PLEKHA5: variants seen among roughly 807,000 people sequenced by gnomAD.
PLEKHA5 encodes the protein pleckstrin homology domain containing A5, also known as pleckstrin homology domain-containing family A member 5.
Under a neutral mutation model 181.9 loss-of-function variants are expected in PLEKHA5, and 55 were observed. The ratio of observed to expected loss-of-function variants is 0.30; its 90% confidence interval spans 0.24 to 0.38. The LOEUF (loss-of-function observed/expected upper bound fraction) is 0.38. Among genes scored for constraint, PLEKHA5 ranks in the 10% least tolerant of loss-of-function variants. PLEKHA5 has a pLI of 1.00. For missense variants in PLEKHA5, 1,432 were observed against 1,549.5 expected (o/e 0.92, Z 1.27); for synonymous variants, 535 against 529.4 (o/e 1.01, Z -0.15).
At chr12:19,190,895 T>C (rs1251813326) in intron 3 of PLEKHA5, among the ~76,000 whole-genome samples, 1 of 152,184 alleles carries the variant, frequency 6.6e-6, no homozygotes, top group East Asian at 1.9e-4. Context: ...AAATGAGCAG[T>C]GAAGCCTAGC....
intron 3 of PLEKHA5, among the ~76,000 whole-genome samples, chr12:19,137,523 T>C (rs1035926071): frequency 2.0e-5 from 3 of 152,228 alleles, no homozygotes; most frequent in African/African-American, 7.2e-5. Context: ...CTACGAACTA[T>C]GATCTCAGCT....
At chr12:19,172,703 A>T (rs2046195139) in intron 3 of PLEKHA5, among the ~76,000 whole-genome samples, 2 of 152,188 alleles carry the variant, frequency 1.3e-5, no homozygotes, top group Admixed American at 1.3e-4. Flanking sequence ...GGATCTTTGC[A>T]GTAACCCTTA....
chr12:19,178,331 C>T (rs934197066), intron 3 of PLEKHA5, among the ~76,000 whole-genome samples: 1 of 152,122 alleles, frequency 6.6e-6, no homozygotes, highest in East Asian at 1.9e-4. Flanking sequence ...CAGGAGACAT[C>T]GCTGAAACAT....
At chr12:19,314,295 C>T (rs1239121844) in intron 15 of PLEKHA5, among the ~76,000 whole-genome samples, 1 of 152,090 alleles carries the variant, frequency 6.6e-6, no homozygotes, top group Non-Finnish European at 1.5e-5. Context: ...AAAATAGAGT[C>T]TCTATAAATG....
chr12:19,135,297 A>C (rs1226148915), intron 3 of PLEKHA5, among the ~76,000 whole-genome samples: 1 of 152,086 alleles, frequency 6.6e-6, no homozygotes, highest in Non-Finnish European at 1.5e-5. Context: ...AGAGGATTGT[A>C]GTGGGGAAGT....
At chr12:19,176,439 C>G (rs1366651720) in intron 3 of PLEKHA5, 1 of 151,870 alleles carries the variant, frequency 6.6e-6, no homozygotes, top group African/African-American at 2.4e-5. Context: ...GGTGGTCTCC[C>G]GCTCCCAGGA....
At chr12:19,144,257 A>G (rs906530066) in intron 3 of PLEKHA5, among the ~76,000 whole-genome samples, 4 of 152,186 alleles carry the variant, frequency 2.6e-5, no homozygotes, top group African/African-American at 9.7e-5. Flanking sequence ...TCAGTGGCTT[A>G]AAACGATGAT....
chr12:19,244,758 T>C (rs2063343872), intron 3 of PLEKHA5, among the ~76,000 whole-genome samples: 1 of 152,238 alleles, frequency 6.6e-6, no homozygotes, highest in African/African-American at 2.4e-5. Flanking sequence ...GTAGATACAT[T>C]TTCAACGATA....
At chr12:19,231,559 T>C (rs1333166455) in intron 3 of PLEKHA5, among the ~76,000 whole-genome samples, 2 of 146,562 alleles carry the variant, frequency 1.4e-5, no homozygotes, top group African/African-American at 5.0e-5. Context: ...TATATTTATA[T>C]ATGTACACAT....
intron 3 of PLEKHA5, among the ~76,000 whole-genome samples, chr12:19,170,853 T>C (rs570158815): frequency 1.3e-5 from 2 of 152,228 alleles, no homozygotes; most frequent in Non-Finnish European, 2.9e-5. Flanking sequence ...GGCAGGGTAG[T>C]TGAATTACTT....
chr12:19,333,210 A>G (rs2093023837), intron 20 of PLEKHA5, among the ~76,000 whole-genome samples: 1 of 152,004 alleles, frequency 6.6e-6, no homozygotes, highest in Non-Finnish European at 1.5e-5. Context: ...GCTTGAACCC[A>G]GGAGGCAGAG....
At chr12:19,325,181 C>G (rs2091804028) in intron 20 of PLEKHA5, among the ~76,000 whole-genome samples, 2 of 151,782 alleles carry the variant, frequency 1.3e-5, no homozygotes, top group Non-Finnish European at 2.9e-5. Flanking sequence ...TGCTTGGGCC[C>G]AGGAGTTTGA....
chr12:19,173,611 A>G (rs2046508973), intron 3 of PLEKHA5, among the ~76,000 whole-genome samples: 1 of 152,294 alleles, frequency 6.6e-6, no homozygotes, highest in South Asian at 2.1e-4. Context: ...TAAGACCTCA[A>G]AGATTCTCAA....
intron 11 of PLEKHA5, among the ~76,000 whole-genome samples, chr12:19,279,677 A>G: frequency 6.6e-6 from 1 of 151,370 alleles, no homozygotes; most frequent in Non-Finnish European, 1.5e-5. Context: ...AAAAAAATAC[A>G]TACATATATA....
Position 19,353,436 on chromosome 12 carries a change from C to T in PLEKHA5, c.3020-448C>T, listed in dbSNP as rs149920188. Among the ~76,000 whole-genome samples the T allele has an allele frequency of 6.4e-3, 973 of 152,072 alleles. 8 individuals carry two copies. The highest frequency in any genetic ancestry group is 0.022 in the African/African-American group (919 of 41,510). Reference sequence around the variant, plus strand: ...CCTCCCAAAGTGCTGGGATTACAGGCGTGAGTCACCACGCCCAGCCTGACT... The same window carrying T: ...CCTCCCAAAGTGCTGGGATTACAGGTGTGAGTCACCACGCCCAGCCTGACT... On this transcript the variant is annotated intron_variant, in intron 25 of 31. Transcript: ENST00000429027.
intron 3 of PLEKHA5, among the ~76,000 whole-genome samples, chr12:19,220,100 G>A (rs932574145): frequency 2.0e-5 from 3 of 151,382 alleles, no homozygotes; most frequent in African/African-American, 7.3e-5. Context: ...TAAAATGCTG[G>A]AAACTGCTCC....
Position 19,270,169 on chromosome 12 carries a change from A to G in PLEKHA5, c.828-19A>G, listed in dbSNP as rs7978729. The G allele has an allele frequency of 0.12, 166,614 of 1,414,860 alleles. 10,999 individuals are homozygous for G. The highest frequency in any genetic ancestry group is 0.24 in the Admixed American group (9,096 of 38,352). 87.6% of individuals were successfully genotyped at this position (1,414,860 alleles called of 1,614,324 possible). On this transcript the variant is annotated intron_variant, in intron 9 of 31. Transcript: ENST00000429027. The stretch of plus-strand genomic sequence containing the variant: ...TCCAGAATCCTAACATTCAAACTGA[A>G]TGTTCTTTCTTCTTACAGAATTACC...
intron 8 of PLEKHA5, 59 bp from the exon 9 acceptor site, chr12:19,269,710 TC>T (rs768652011): frequency 4.7e-5 from 39 of 827,344 alleles, no homozygotes; most frequent in Non-Finnish European, 5.8e-6. Flanking sequence ...TACCTTTTTT[TC>T]TTTTTCTTTT....
intron 6 of PLEKHA5, among the ~76,000 whole-genome samples, chr12:19,259,913 T>C (rs1433167249): frequency 2.6e-5 from 4 of 151,890 alleles, no homozygotes; most frequent in Non-Finnish European, 5.9e-5. Context: ...CAGCTAGAAA[T>C]AAATTTAGAA....
Sources: gnomAD v4.1 joint callset for allele counts (sites outside exome capture counted in the v4.1 genomes callset) on GRCh38, gnomAD v4.1.1 for gene constraint, MANE v1.5 for transcripts, NCBI Gene and HGNC (gene_info 2026-07-23, HGNC 2026-07-21) for gene names.